PRKG2: variants seen among roughly 807,000 people sequenced by gnomAD.
PRKG2 encodes protein kinase cGMP-dependent 2.
PRKG2 carries 33 observed loss-of-function variants against 97.2 expected under a neutral mutation model. That is an observed-to-expected ratio of 0.34 (90% confidence interval 0.26 to 0.45). The LOEUF (loss-of-function observed/expected upper bound fraction) is 0.45. Among genes scored for constraint, PRKG2 ranks in the 20% least tolerant of loss-of-function variants. The pLI, the probability that PRKG2 is intolerant of heterozygous loss-of-function variation, is 1.00. For missense variants in PRKG2, 638 were observed against 900.0 expected, an observed-to-expected ratio of 0.71 and a Z score of 3.73; for synonymous variants, 330 against 321.8, an observed-to-expected ratio of 1.03 and a Z score of -0.27.
Position 81,092,464 on chromosome 4 carries a change from GA to G in PRKG2, c.2127-13del. The G allele has an allele frequency of 1.3e-6, 2 of 1,490,998 alleles. No homozygotes were observed. The highest frequency in any genetic ancestry group is 1.8e-6 in the Non-Finnish European group (2 of 1,096,272). The allele number at this position is 1,490,998 out of a possible 1,614,324, so 92.4% of individuals were successfully genotyped here. ...AACCATTTAACCACCTGAGAAATGA[GA>G]AAGGAAGGAAGGAAGGAAGGAAGGA... On this transcript the variant is annotated splice_polypyrimidine_tract_variant and intron_variant, in intron 17 of 18. Coordinates refer to ENST00000264399, the MANE Select transcript of PRKG2 (RefSeq NM_006259.3).
intron 3 of PRKG2, among the ~76,000 whole-genome samples, chr4:81,173,393 G>A (rs575493088): frequency 1.3e-5 from 2 of 152,136 alleles, no homozygotes; most frequent in South Asian, 4.1e-4. Flanking sequence ...GGGAAGGAAC[G>A]AGATAGGCTT....
intron 2 of PRKG2, among the ~76,000 whole-genome samples, chr4:81,185,834 T>C (rs1265673102): frequency 2.0e-5 from 3 of 152,122 alleles, no homozygotes; most frequent in Admixed American, 6.5e-5. Context: ...TAGTCTCTGA[T>C]AAAACAGACT....
intron 6 of PRKG2, among the ~76,000 whole-genome samples, chr4:81,159,388 G>A (rs1045676836): frequency 6.6e-6 from 1 of 152,130 alleles, no homozygotes; most frequent in African/African-American, 2.4e-5. Flanking sequence ...TCAGAGAAAT[G>A]CAAATCAAAA....
chr4:81,188,190 A>G (rs1752068430), intron 2 of PRKG2, among the ~76,000 whole-genome samples: 4 of 151,628 alleles, frequency 2.6e-5, no homozygotes, highest in Admixed American at 1.3e-4. Flanking sequence ...AAAACAAACA[A>G]CCCCATCAAA....
chr4:81,155,447 G>A lies in PRKG2; in HGVS notation c.913-1726C>T, dbSNP rs368736331. Among the ~76,000 whole-genome samples, 31 of 152,172 alleles carry A rather than the reference G, an allele frequency of 2.0e-4. No individual in the cohort carries two copies. The South Asian group carries it at 2.1e-3, about 10-fold the overall frequency. The stretch of plus-strand genomic sequence containing the variant: ...GACTATGTGAAAAGACCAAATCTAC[G>A]TCTGATTGGTGTACCTGAAAGTGAT... On this transcript the variant is annotated intron_variant, in intron 6 of 18. Coordinates refer to ENST00000264399, the MANE Select transcript of PRKG2 (RefSeq NM_006259.3).
chr4:81,159,632 T>C (rs1386335436), intron 6 of PRKG2, among the ~76,000 whole-genome samples: 1 of 152,104 alleles, frequency 6.6e-6, no homozygotes, highest in African/African-American at 2.4e-5. Flanking sequence ...GGACTATAAA[T>C]CATGCTGCTA....
chr4:81,121,739 T>C (rs1745091764), intron 14 of PRKG2, among the ~76,000 whole-genome samples: 1 of 151,756 alleles, frequency 6.6e-6, no homozygotes, highest in South Asian at 2.1e-4. Context: ...TTTTTTTTTC[T>C]TAGTTAATCT....
intron 6 of PRKG2, among the ~76,000 whole-genome samples, chr4:81,156,962 C>A: frequency 6.6e-6 from 1 of 151,466 alleles, no homozygotes. Context: ...CACTAAATGC[C>A]CACAAGAGAA....
intron 15 of PRKG2, among the ~76,000 whole-genome samples, chr4:81,106,233 A>G (rs1252250581): frequency 6.6e-6 from 1 of 152,178 alleles, no homozygotes; most frequent in African/African-American, 2.4e-5. Context: ...AGATACAGTA[A>G]ATAAGAAAAG....
intron 1 of PRKG2, among the ~76,000 whole-genome samples, chr4:81,209,227 C>A (rs548495021): frequency 6.6e-6 from 1 of 152,308 alleles, no homozygotes; most frequent in Admixed American, 6.5e-5. Context: ...GGATTAACAC[C>A]TGGCAGTCAA....
At chr4:81,185,926 T>A (rs1317210182) in intron 2 of PRKG2, among the ~76,000 whole-genome samples, 1 of 152,114 alleles carries the variant, frequency 6.6e-6, no homozygotes, top group African/African-American at 2.4e-5. Flanking sequence ...GAGCTAATTA[T>A]CCTAAATACA....
chr4:81,213,544 A>G (rs1004069973), intron 1 of PRKG2, among the ~76,000 whole-genome samples: 1 of 152,212 alleles, frequency 6.6e-6, no homozygotes, highest in African/African-American at 2.4e-5. Context: ...ACACTCAACT[A>G]CAAGGGACCA....
At chr4:81,208,782 A>G (rs1578530014) in intron 1 of PRKG2, among the ~76,000 whole-genome samples, 1 of 152,088 alleles carries the variant, frequency 6.6e-6, no homozygotes, top group East Asian at 1.9e-4. Flanking sequence ...TCTTCCATTG[A>G]GAAAAGAAGT....
At chr4:81,157,450 C>T (rs1227899681) in intron 6 of PRKG2, among the ~76,000 whole-genome samples, 1 of 152,076 alleles carries the variant, frequency 6.6e-6, no homozygotes, top group Non-Finnish European at 1.5e-5. Context: ...AGCTTACCAA[C>T]AAAAAAGAGT....
chr4:81,170,580 A>G (rs888433715), intron 4 of PRKG2, among the ~76,000 whole-genome samples: 2 of 152,122 alleles, frequency 1.3e-5, no homozygotes, highest in Non-Finnish European at 2.9e-5. Context: ...GGTTGGGAGT[A>G]GAGACCCAAA....
At chr4:81,146,937 T>C (rs1015015157) in intron 9 of PRKG2, among the ~76,000 whole-genome samples, 5 of 152,192 alleles carry the variant, frequency 3.3e-5, no homozygotes, top group Admixed American at 1.3e-4. Context: ...ATATTAAATA[T>C]GCTGGTGTAA....
At chr4:81,133,804 TA>T (rs1307005917) in intron 14 of PRKG2, among the ~76,000 whole-genome samples, 2 of 151,640 alleles carry the variant, frequency 1.3e-5, no homozygotes, top group Admixed American at 6.6e-5. Flanking sequence ...ATGTTTTTTT[TA>T]AAAAAAAGCA....
In PRKG2 at chr4:81,204,448, A is replaced by T. The variant is rs1175895164; in HGVS notation, c.461+139T>A. On this transcript the variant is annotated intron_variant, in intron 2 of 18. Coordinates refer to ENST00000264399, the MANE Select transcript of PRKG2 (RefSeq NM_006259.3). ...AATGGGAGATTTTTTTGCAAAACAA[A>T]ATCATTTCAAAAACCCCTCTACCCC... The T allele has an allele frequency of 4.1e-6, 4 of 977,696 alleles. No homozygotes were observed. The Admixed American group carries it at 9.3e-5, about 23-fold the overall frequency. The allele number at this position is 977,696 out of a possible 1,614,324, so 60.6% of individuals were successfully genotyped here. A position where few individuals can be genotyped will look rare whatever the true frequency, so the allele number is the denominator to read the frequency against.
chr4:81,195,853 T>C (rs953564045), intron 2 of PRKG2, among the ~76,000 whole-genome samples: 1 of 152,206 alleles, frequency 6.6e-6, no homozygotes, highest in Admixed American at 6.5e-5. Flanking sequence ...TTTTTATGCA[T>C]GGCTTTACCT....
Sources: allele counts gnomAD v4.1 joint callset (sites outside exome capture counted in the v4.1 genomes callset), GRCh38; gene constraint gnomAD v4.1.1; transcripts MANE v1.5; gene names NCBI Gene and HGNC (gene_info 2026-07-23, HGNC 2026-07-21).